The following PEBP4 variants were observed in gnomAD, a reference collection of about 807,000 sequenced individuals.
PEBP4 encodes the protein phosphatidylethanolamine binding protein 4.
Under a neutral mutation model 23.9 loss-of-function variants are expected in PEBP4, and 22 were observed. The ratio of observed to expected loss-of-function variants is 0.92; its 90% CI spans 0.66 to 1.31. The LOEUF (loss-of-function observed/expected upper bound fraction) is 1.31, where lower values mean the gene tolerates loss of function less well. Ranked by LOEUF, PEBP4 falls within the 40% of genes most tolerant of loss-of-function variation. The pLI is 0.00. For missense variants in PEBP4, 324 were observed against 281.7 expected (o/e 1.15, Z -1.07); for synonymous variants, 112 against 99.3 (o/e 1.13, Z -0.76).
intron 3 of PEBP4, among the ~76,000 whole-genome samples, chr8:22,898,558 C>T (rs1161291016): frequency 6.6e-6 from 1 of 152,138 alleles, no homozygotes; most frequent in Admixed American, 6.6e-5. Flanking sequence ...AATCAAAGTG[C>T]TCCAAGCTCT....
At chr8:22,794,780 A>G (rs1200880674) in intron 4 of PEBP4, among the ~76,000 whole-genome samples, 1 of 152,216 alleles carries the variant, frequency 6.6e-6, no homozygotes, top group Non-Finnish European at 1.5e-5. Flanking sequence ...TTGCAGGTAC[A>G]TGTGAAGAGG....
intron 3 of PEBP4, among the ~76,000 whole-genome samples, chr8:22,842,977 G>A (rs962490773): frequency 1.3e-5 from 2 of 152,138 alleles, no homozygotes; most frequent in African/African-American, 4.8e-5. Flanking sequence ...ACAGGCGCCC[G>A]CCAACACATC....
intron 4 of PEBP4, among the ~76,000 whole-genome samples, chr8:22,768,917 C>T (rs947721324): frequency 9.2e-5 from 14 of 152,134 alleles, no homozygotes; most frequent in African/African-American, 2.4e-4. Context: ...CAGTCGTCTC[C>T]GGGGCTCTGC....
intron 4 of PEBP4, among the ~76,000 whole-genome samples, chr8:22,790,711 T>C (rs1406192275): frequency 1.3e-5 from 2 of 152,156 alleles, no homozygotes; most frequent in African/African-American, 4.8e-5. Flanking sequence ...TCTGGAGAAA[T>C]GAAGAGTTGG....
rs545421456 is a variant in PEBP4 at position 22,771,920 on chromosome 8, G to A, written c.358-44700C>T. Among the ~76,000 whole-genome samples, 7 of 152,354 alleles carry A rather than the reference G, an allele frequency of 4.6e-5. 1 individual carries two copies. Among genetic ancestry groups the A allele is most frequent in the Admixed American group, 3.9e-4 (6 of 15,306 alleles). On this transcript the variant is annotated intron_variant, in intron 4 of 6. Transcript: ENST00000256404. ...GCCCTGAGCTGCTACTCTCAGCACA[G>A]TGCCTATGGGGTAGCCCTGCTCTGC...
intron 4 of PEBP4, among the ~76,000 whole-genome samples, chr8:22,770,088 C>G (rs1805687396): frequency 6.6e-6 from 1 of 152,240 alleles, no homozygotes; most frequent in Non-Finnish European, 1.5e-5. Context: ...AAATCCTAGG[C>G]AGCCATCAGC....
intron 3 of PEBP4, among the ~76,000 whole-genome samples, chr8:22,911,304 A>T (rs1808934064): frequency 6.6e-6 from 1 of 152,040 alleles, no homozygotes. Context: ...AGATGCCCTC[A>T]AAGTCGGGAT....
At chr8:22,822,019 T>C (rs1585292033) in intron 3 of PEBP4, among the ~76,000 whole-genome samples, 1 of 143,636 alleles carries the variant, frequency 7.0e-6, no homozygotes, top group Non-Finnish European at 1.5e-5. Context: ...GAGAAGAGAG[T>C]TCGGAAGAGA....
chr8:22,757,307 C>G (rs1009017845), intron 4 of PEBP4: 7 of 152,252 alleles, frequency 4.6e-5, no homozygotes, highest in Non-Finnish European at 1.0e-4. Context: ...CAAGCCAGTT[C>G]TGACACACTG....
At chr8:22,772,447 T>G (rs1805734473) in intron 4 of PEBP4, among the ~76,000 whole-genome samples, 1 of 151,170 alleles carries the variant, frequency 6.6e-6, no homozygotes, top group African/African-American at 2.4e-5. Flanking sequence ...AATTAAATCC[T>G]CACAACAACC....
chr8:22,806,974 G>A (rs1004895471), intron 4 of PEBP4, among the ~76,000 whole-genome samples: 1 of 152,168 alleles, frequency 6.6e-6, no homozygotes, highest in Non-Finnish European at 1.5e-5. Flanking sequence ...AATGTGCACT[G>A]TTTTCTTTTC....
At chr8:22,862,831 C>T (rs1454822124) in intron 3 of PEBP4, among the ~76,000 whole-genome samples, 1 of 140,244 alleles carries the variant, frequency 7.1e-6, no homozygotes, top group Non-Finnish European at 1.5e-5. Context: ...GACGGAGTGT[C>T]GCTCTGTCAC....
At chr8:22,734,766 G>A (rs1362647076) in intron 4 of PEBP4, among the ~76,000 whole-genome samples, 6 of 152,300 alleles carry the variant, frequency 3.9e-5, no homozygotes, top group African/African-American at 1.4e-4. Context: ...CAGTGGATAA[G>A]ACAAGGGAGG....
intron 3 of PEBP4, among the ~76,000 whole-genome samples, chr8:22,919,171 G>A (rs939619034): frequency 5.9e-5 from 9 of 152,186 alleles, no homozygotes; most frequent in African/African-American, 2.2e-4. Context: ...GTCCTACTGG[G>A]CTTAGCTGAC....
intron 3 of PEBP4, among the ~76,000 whole-genome samples, chr8:22,861,153 T>G (rs1807771614): frequency 6.6e-6 from 1 of 152,222 alleles, no homozygotes; most frequent in Admixed American, 6.5e-5. Context: ...TTACTTGGTT[T>G]TTGTCCAGGG....
intron 4 of PEBP4, among the ~76,000 whole-genome samples, chr8:22,807,052 T>C (rs1028771479): frequency 1.3e-5 from 2 of 152,244 alleles, no homozygotes; most frequent in African/African-American, 4.8e-5. Flanking sequence ...AGGACTGATA[T>C]TACACTTACC....
intron 6 of PEBP4, 87 bp from the exon 7 acceptor site, chr8:22,713,623 G>C (rs1003419318): frequency 1.9e-6 from 3 of 1,573,996 alleles, no homozygotes; most frequent in Non-Finnish European, 2.6e-6. Flanking sequence ...AGGCCGGCTC[G>C]TGGGAGCCGA....
intron 4 of PEBP4, among the ~76,000 whole-genome samples, chr8:22,753,856 C>G (rs948910184): frequency 6.6e-6 from 1 of 152,164 alleles, no homozygotes; most frequent in Non-Finnish European, 1.5e-5. Flanking sequence ...GATGGGCTAC[C>G]GCCTGGACAG....
intron 3 of PEBP4, among the ~76,000 whole-genome samples, chr8:22,826,863 T>C (rs1450418349): frequency 6.6e-6 from 1 of 152,246 alleles, no homozygotes; most frequent in Non-Finnish European, 1.5e-5. Context: ...GAATACCTAT[T>C]ACCTGCTAAA....
Sources: gnomAD v4.1 joint callset for allele counts (sites outside exome capture counted in the v4.1 genomes callset) on GRCh38, gnomAD v4.1.1 for gene constraint, MANE v1.5 for transcripts, NCBI Gene and HGNC (gene_info 2026-07-23, HGNC 2026-07-21) for gene names.